GNA14: variants seen among roughly 807,000 people sequenced by gnomAD.
GNA14 encodes the protein guanine nucleotide-binding protein subunit alpha-14.
GNA14 carries 50 observed loss-of-function variants against 42.0 expected under a neutral mutation model. The ratio of observed to expected loss-of-function variants is 1.19; its 90% CI spans 0.95 to 1.51. GNA14 has a LOEUF of 1.51. Ranked by LOEUF, GNA14 falls within the 40% of genes most tolerant of loss-of-function variation. GNA14 has a pLI of 0.00. For synonymous variants in GNA14, 173 were observed against 163.1 expected (o/e 1.06, Z -0.46); for missense variants, 473 against 446.2 (o/e 1.06, Z -0.54).
At chr9:77,451,937 A>T (rs1305688429) in intron 2 of GNA14, among the ~76,000 whole-genome samples, 2 of 152,232 alleles carry the variant, frequency 1.3e-5, no homozygotes, top group Non-Finnish European at 2.9e-5. Flanking sequence ...AGTGACAGAT[A>T]TTTGTGCAAA....
intron 1 of GNA14, among the ~76,000 whole-genome samples, chr9:77,586,397 C>T (rs948272649): frequency 6.6e-6 from 1 of 152,112 alleles, no homozygotes; most frequent in South Asian, 2.1e-4. Flanking sequence ...TGAAAAAATG[C>T]TTGACATCAT....
chr9:77,557,468 C>T (rs1260779398), intron 1 of GNA14, among the ~76,000 whole-genome samples: 1 of 152,210 alleles, frequency 6.6e-6, no homozygotes, highest in Non-Finnish European at 1.5e-5. Context: ...TTGCTGTGCA[C>T]TCTCATTCTG....
chr9:77,468,896 T>A (rs527415326), intron 2 of GNA14, among the ~76,000 whole-genome samples: 2 of 152,352 alleles, frequency 1.3e-5, no homozygotes, highest in Admixed American at 1.3e-4. Flanking sequence ...TGCTTGCTTC[T>A]CCAGCATATC....
At chr9:77,539,808 A>G (rs1329900727) in intron 1 of GNA14, among the ~76,000 whole-genome samples, 2 of 152,228 alleles carry the variant, frequency 1.3e-5, no homozygotes, top group East Asian at 3.9e-4. Flanking sequence ...ATAGTTGTTC[A>G]TAATAATCTC....
intron 1 of GNA14, among the ~76,000 whole-genome samples, chr9:77,633,635 G>A (rs1824133494): frequency 1.3e-5 from 2 of 151,780 alleles, no homozygotes; most frequent in African/African-American, 4.9e-5. Flanking sequence ...ATAGAGATGG[G>A]GGTGGCAGAG....
At chr9:77,542,483 T>G (rs920314854) in intron 1 of GNA14, among the ~76,000 whole-genome samples, 2 of 152,168 alleles carry the variant, frequency 1.3e-5, no homozygotes, top group Non-Finnish European at 2.9e-5. Context: ...CTGGTGTTAG[T>G]GGGTCTAGGT....
chr9:77,544,936 C>T (rs1177229961), intron 1 of GNA14, among the ~76,000 whole-genome samples: 2 of 152,104 alleles, frequency 1.3e-5, no homozygotes, highest in African/African-American at 4.8e-5. Flanking sequence ...GAGAAGTAAT[C>T]TAACACTACA....
At chr9:77,612,372 A>G (rs899362106) in intron 1 of GNA14, among the ~76,000 whole-genome samples, 2 of 152,202 alleles carry the variant, frequency 1.3e-5, no homozygotes, top group African/African-American at 4.8e-5. Context: ...ATCCTTTTCC[A>G]GACATCATTC....
chr9:77,490,159 G>A (rs1026580112), intron 2 of GNA14, among the ~76,000 whole-genome samples: 2 of 151,556 alleles, frequency 1.3e-5, no homozygotes, highest in Non-Finnish European at 2.9e-5. Context: ...AGACATAAAG[G>A]TTCTCCACGT....
chr9:77,547,349 T>G (rs949296025), intron 1 of GNA14, among the ~76,000 whole-genome samples: 15 of 152,342 alleles, frequency 9.8e-5, no homozygotes, highest in African/African-American at 3.4e-4. Flanking sequence ...AAATCCTATT[T>G]GATGTATCTT....
intron 1 of GNA14, among the ~76,000 whole-genome samples, chr9:77,621,946 GACAGGGTCTC>G (rs1284579819): frequency 2.0e-5 from 3 of 151,876 alleles, no homozygotes; most frequent in Non-Finnish European, 4.4e-5. Flanking sequence ...TTTTTATTAA[GACAGGGTCTC>G]ACTCTGTTGC....
chr9:77,433,906 C>G (rs778766619), intron 3 of GNA14, among the ~76,000 whole-genome samples: 1 of 152,144 alleles, frequency 6.6e-6, no homozygotes, highest in Non-Finnish European at 1.5e-5. Flanking sequence ...TCCACGGCCC[C>G]GCTGCTCTAA....
At chr9:77,425,354 C>G (rs953640786) in intron 6 of GNA14, among the ~76,000 whole-genome samples, 3 of 152,020 alleles carry the variant, frequency 2.0e-5, no homozygotes, top group African/African-American at 7.3e-5. Context: ...TAAGGGTATT[C>G]CAAGCACTGA....
intron 1 of GNA14, among the ~76,000 whole-genome samples, chr9:77,602,970 A>G (rs1823591751): frequency 6.6e-6 from 1 of 152,172 alleles, no homozygotes; most frequent in Non-Finnish European, 1.5e-5. Context: ...CACCCAACTC[A>G]TAAATGCCCT....
In GNA14 at chr9:77,431,024, TTGTGTGTG is replaced by T. The variant is rs10631280; in HGVS notation, c.593+289_593+296del. On this transcript the variant is annotated intron_variant, in intron 4 of 6. Transcript: ENST00000341700. ...ATTTGTGGGATACAGAAGTATACAT[TTGTGTGTG>T]TGTGTGTGTGTGTGTGTGTGTGTGT... is the stretch of plus-strand genomic sequence containing the variant. 8.1e-3 allele frequency among the ~76,000 whole-genome samples: 821 copies of T among 101,516 alleles called. 8 individuals carry two copies. Among genetic ancestry groups the T allele is most frequent in the African/African-American group, 0.031 (764 of 24,644 alleles). 66.6% of individuals were successfully genotyped at this position (101,516 alleles called of 152,430 possible).
intron 2 of GNA14, among the ~76,000 whole-genome samples, chr9:77,487,488 T>G (rs1030661880): frequency 4.4e-5 from 5 of 114,608 alleles, no homozygotes; most frequent in African/African-American, 1.5e-4. Flanking sequence ...AATGCTATCT[T>G]ATGGTATTTT....
At chr9:77,452,690 G>GGGATCTGCT (rs1835935710) in intron 2 of GNA14, among the ~76,000 whole-genome samples, 1 of 150,812 alleles carries the variant, frequency 6.6e-6, no homozygotes, top group Non-Finnish European at 1.5e-5. Flanking sequence ...CCTTAGGGCA[G>GGGATCTGCT]GGATCTGCTG....
chr9:77,485,234 A>C (rs1027178463), intron 2 of GNA14, among the ~76,000 whole-genome samples: 6 of 152,236 alleles, frequency 3.9e-5, no homozygotes, highest in Admixed American at 2.0e-4. Context: ...AAATGTTCAC[A>C]GCATCTCCAC....
intron 2 of GNA14, among the ~76,000 whole-genome samples, chr9:77,500,426 T>C (rs923312219): frequency 2.0e-5 from 3 of 152,206 alleles, no homozygotes; most frequent in African/African-American, 7.2e-5. Context: ...TGTAAAAAAA[T>C]AGTACAGAGA....
Sources: allele counts gnomAD v4.1 joint callset (sites outside exome capture counted in the v4.1 genomes callset), GRCh38; gene constraint gnomAD v4.1.1; transcripts MANE v1.5; gene names NCBI Gene and HGNC (gene_info 2026-07-23, HGNC 2026-07-21).